DENND4B: variants seen among roughly 807,000 people sequenced by gnomAD.
DENND4B encodes the protein DENN domain-containing protein 4B.
In DENND4B, 67 loss-of-function variants were observed where a neutral mutation model predicts 161.0. That is an observed-to-expected ratio of 0.42 (90% CI 0.34 to 0.51). DENND4B has a LOEUF of 0.51. Ranked by LOEUF, DENND4B falls within the 20% of genes least tolerant of loss-of-function variation. The pLI, the probability that DENND4B is intolerant of heterozygous loss-of-function variation, is 0.08. For missense variants in DENND4B, 1,481 were observed against 1,968.0 expected, an observed-to-expected ratio of 0.75 and a Z score of 4.68; for synonymous variants, 753 against 813.8, an observed-to-expected ratio of 0.93 and a Z score of 1.27.
Position 153,930,787 on chromosome 1 carries a change from T to G in DENND4B, c.4185A>C (p.Ser1395=). 1 of 1,608,556 alleles carries G rather than the reference T, an allele frequency of 6.2e-7. No individual in the cohort carries two copies. Among genetic ancestry groups the G allele is most frequent in the Admixed American group, 1.7e-5 (1 of 59,100 alleles). Residue 1395 remains serine (S), a synonymous_variant, in exon 26 of 28, where the codon TCA becomes TCC. Transcript: ENST00000361217. This position sits in a 1 kb window ranked among gnomAD's most constrained non-coding sequence, Gnocchi z 4.7. The stretch of plus-strand genomic sequence containing the variant: ...CATTGAGTCCAACATGGCGCAGCAC[T>G]GACTCCAACAGTGCCAAACTAAGGG... ...PASLSLALLE[S]VLRHVGLNEV...
rs1341843304 is a variant in DENND4B, at chr1:153,936,626, C to T, written c.2355G>A (p.Ser785=). ...WFLCLPAYVR[S]APSRVQALHT... ...GCAGTGCCTGCACTCGGGAGGGTGC[C>T]GACCGCACATAGGCAGGCAGACACA... is the stretch of plus-strand genomic sequence containing the variant. Residue 785 remains serine, a synonymous_variant, in exon 16 of 28, where the codon TCG becomes TCA. Transcript: ENST00000361217. This position sits in a 1 kb window ranked among gnomAD's most constrained non-coding sequence, Gnocchi z 4.1. The T allele has an allele frequency of 6.8e-6, 11 of 1,613,350 alleles. No individual in the cohort carries two copies. The highest frequency in any genetic ancestry group is 3.3e-5 in the Admixed American group (2 of 59,934).
chr1:153,941,251 T>A lies in DENND4B; in HGVS notation c.1161A>T (p.Val387=), dbSNP rs377655507. The A allele has an allele frequency of 6.2e-7, 1 of 1,613,822 alleles. No homozygotes were observed. Among genetic ancestry groups the A allele is most frequent in the African/African-American group, 1.3e-5 (1 of 74,988 alleles). The stretch of plus-strand genomic sequence containing the variant: ...CATACCTGAGGGGCAGGGGTGAGGA[T>A]ACAGGCTGACAGAGGAGCAAGTTGT... ...PYDNLLLCQP[V]SSPLPLSGAS... is the part of the protein sequence containing the mutation. The change falls in exon 8 of 28, where the codon GTA becomes GTT. Residue 387 remains valine (V), a synonymous_variant. Transcript: ENST00000361217.
chr1:153,940,482 T>C lies in DENND4B; in HGVS notation c.1451A>G (p.Asp484Gly). The change falls in exon 10 of 28, where the codon GAC becomes GGC. Residue 484 changes from aspartate (D) to glycine (G), a missense_variant. Around this residue, in one of 3 missense-constraint regions of DENND4B, gnomAD observed 806 missense variants for 1,134.4 expected, o/e 0.71. Transcript: ENST00000361217. This position sits in a 1 kb window ranked among gnomAD's most constrained non-coding sequence, Gnocchi z 5.6. ...GIHSSYFDLH[D>G]PPADVICVDL... ...TACACAGATGACATCAGCAGGCGGG[T>C]CATGCAGATCAAAGTAGCTGGAGTG... The C allele has an allele frequency of 6.2e-7, 1 of 1,612,814 alleles. No individual in the cohort carries two copies. The highest frequency in any genetic ancestry group is 8.5e-7 in the Non-Finnish European group (1 of 1,179,418).
Position 153,941,412 on chromosome 1 carries a change from G to GAAGGT in DENND4B, c.1083_1084insACCTT (p.Pro362ThrfsTer13). 1 of 1,613,222 alleles carries GAAGGT rather than the reference G, an allele frequency of 6.2e-7. No individual in the cohort carries two copies. Among genetic ancestry groups the GAAGGT allele is most frequent in the Non-Finnish European group, 8.5e-7 (1 of 1,179,716 alleles). ...CGGGGTCTCTGTGGGGAAGGGAAGG[G>GAAGGT]AACGTTGTGAATGAAGTGGGAGATG... On this transcript the variant is annotated frameshift_variant, in exon 7 of 28. Transcript: ENST00000361217. LOFTEE classifies it high-confidence loss of function.
intron 12 of DENND4B, 49 bp downstream of exon 12, chr1:153,939,540 G>A (rs757595716): frequency 5.2e-6 from 8 of 1,547,754 alleles, no homozygotes; most frequent in African/African-American, 1.4e-5. Flanking sequence ...CCAGCCCCTC[G>A]CCACCTCCTC....
At chr1:153,946,785 T>G (rs576166491), upstream of DENND4B, 31 of 360,500 alleles carry the variant, frequency 8.6e-5, no homozygotes, top group Non-Finnish European at 1.4e-4. The surrounding 1 kb of genome is among the most constrained non-coding windows in gnomAD (Gnocchi z 6.3). Context: ...CCCAGGTAGC[T>G]TCCCACCATC....
Position 153,940,790 on chromosome 1 carries a change from A to G in DENND4B, c.1326+114T>C. On this transcript the variant is annotated intron_variant, in intron 9 of 27. Transcript: ENST00000361217. This position sits in a 1 kb window ranked among gnomAD's most constrained non-coding sequence, Gnocchi z 5.6. ...GTGTTCCTGCAGGCTGTGCCCAGGGAAAGGGGCTGAGGATCCTCCACAAGG... is the reference window on the plus strand; with the variant it reads ...GTGTTCCTGCAGGCTGTGCCCAGGGGAAGGGGCTGAGGATCCTCCACAAGG... 1 of 1,464,456 alleles carries G rather than the reference A, an allele frequency of 6.8e-7. No homozygotes were observed. Among genetic ancestry groups the G allele is most frequent in the Non-Finnish European group, 9.0e-7 (1 of 1,105,472 alleles). 90.7% of individuals were successfully genotyped at this position (1,464,456 alleles called of 1,614,324 possible).
intron 1 of DENND4B, chr1:153,945,237 G>C: frequency 8.4e-7 from 1 of 1,195,320 alleles, no homozygotes; most frequent in South Asian, 1.3e-5. Flanking sequence ...TCGCAGCAGG[G>C]GCCCAGAAGC....
chr1:153,944,475 C>T lies in DENND4B; in HGVS notation c.-23-78G>A, dbSNP rs1679860415. The T allele has an allele frequency of 2.9e-6, 4 of 1,370,796 alleles. No homozygotes were observed. In the Admixed American group the frequency reaches 1.1e-4, roughly 37 times the overall value. 84.9% of individuals were successfully genotyped at this position (1,370,796 alleles called of 1,614,324 possible). A position where few individuals can be genotyped will look rare whatever the true frequency, so the allele number is the denominator to read the frequency against. On this transcript the variant is annotated intron_variant, in intron 1 of 27. Transcript: ENST00000361217. This position sits in a 1 kb window ranked among gnomAD's most constrained non-coding sequence, Gnocchi z 4.8. ...GGCAACCAGGGTACCCTCTTGCTCC[C>T]CTCCTCTTCCTAGTCCTTCCAAAGA...
Position 153,937,528 on chromosome 1 carries a change from C to T in DENND4B, c.2192G>A (p.Arg731His), listed in dbSNP as rs372979692. 5.6e-6 allele frequency: 9 copies of T among 1,600,846 alleles called. No homozygotes were observed. Among genetic ancestry groups the T allele is most frequent in the African/African-American group, 4.0e-5 (3 of 74,634 alleles). ...PGALPVPGPS[R>H]SAPSSPAPRR... is the part of the protein sequence containing the mutation. The stretch of plus-strand genomic sequence containing the variant: ...AGGAGCAGGACTGCTGGGGGCGCTA[C>T]GGGAAGGGCCTGGCACAGGCAGGGC... Residue 731 changes from arginine to histidine, a missense_variant, in exon 15 of 28, where the codon CGT becomes CAT. By Grantham distance (29) the Arg-to-His change is conservative. Transcript: ENST00000361217. The surrounding 1 kb of genome is among the most constrained non-coding windows in gnomAD (Gnocchi z 4.7).
At position 153,930,840 on chromosome 1, in the gene DENND4B, C is replaced by A; in HGVS notation, c.4132G>T (p.Val1378Leu). The change falls in exon 26 of 28, where the codon GTG becomes TTG. Residue 1378 changes from valine to leucine, a missense_variant. Transcript: ENST00000361217. The surrounding 1 kb of genome is among the most constrained non-coding windows in gnomAD (Gnocchi z 4.7). The part of the protein sequence containing the change: ...WRVHSQIPQR[V>L]VWPGPVPASL... Reference sequence around the variant, plus strand: ...GCAGGTACAGGGCCTGGCCATACCACCCGCTGGGGGATCTGGCCTGGATGA... The same window carrying A: ...GCAGGTACAGGGCCTGGCCATACCAACCGCTGGGGGATCTGGCCTGGATGA... The A allele has an allele frequency of 6.3e-7, 1 of 1,599,624 alleles. No homozygotes were observed. Among genetic ancestry groups the A allele is most frequent in the East Asian group, 2.3e-5 (1 of 44,414 alleles).
At position 153,942,279 on chromosome 1, in the gene DENND4B, TG is replaced by T. The variant is rs1679716288; in HGVS notation, c.717del (p.Met240TrpfsTer59). 6.2e-7 allele frequency: 1 copy of T among 1,613,682 alleles called. No individual in the cohort carries two copies. The highest frequency in any genetic ancestry group is 8.5e-7 in the Non-Finnish European group (1 of 1,179,810). ...GGCCAGCACTCGATAGTGGCCCCCA[TG>T]GGCAGGCAGAAGACGGGCACTGACT... Reference protein sequence around the residue: ...LPESVPVFCLPMGATIECWPA... With the variant: ...LPESVPVFCLXMGATIECWPA... On this transcript the variant is annotated frameshift_variant, in exon 5 of 28. Transcript: ENST00000361217. LOFTEE classifies it high-confidence loss of function. This position sits in a 1 kb window ranked among gnomAD's most constrained non-coding sequence, Gnocchi z 6.9.
At position 153,946,372 on chromosome 1, in the gene DENND4B, G is replaced by A. The variant is rs1571064517; in HGVS notation, c.-95C>T. The A allele has an allele frequency of 1.1e-5, 4 of 379,466 alleles. No homozygotes were observed. In the East Asian group the frequency reaches 1.1e-4, roughly 11 times the overall value. The allele number at this position is 379,466 out of a possible 1,614,324, so 23.5% of individuals were successfully genotyped here. ...AGGGCGAGCTGGCGGGCCGGCGGGC[G>A]GCGGGGCTACCCGGCCCCAGACATG... is the stretch of plus-strand genomic sequence containing the variant. On this transcript the variant is annotated 5_prime_UTR_variant, in exon 1 of 28. Coordinates refer to ENST00000361217, the MANE Select transcript of DENND4B (RefSeq NM_014856.3). This position sits in a 1 kb window ranked among gnomAD's most constrained non-coding sequence, Gnocchi z 6.3.
At position 153,932,431 on chromosome 1, in the gene DENND4B, G is replaced by A. The variant is rs754986768; in HGVS notation, c.3769C>T (p.Arg1257Trp). The change falls in exon 24 of 28, where the codon CGG becomes TGG. Residue 1257 changes from arginine to tryptophan, a missense_variant. Transcript: ENST00000361217. The surrounding 1 kb of genome is among the most constrained non-coding windows in gnomAD (Gnocchi z 5.8). ...GCCCATGCCCCACTCTCAACCCGCC[G>A]GGAGGCTCCCTATCAGGCACAAAGG... ...LCNGHMGGAS[R>W]RVESGAWAYL... is the part of the protein sequence containing the mutation. 21 of 1,608,152 alleles carry A rather than the reference G, an allele frequency of 1.3e-5. No homozygotes were observed. Among genetic ancestry groups the A allele is most frequent in the Admixed American group, 5.1e-5 (3 of 58,976 alleles).
chr1:153,934,645 T>C lies in DENND4B; in HGVS notation c.2773+115A>G. 2 of 1,474,076 alleles carry C rather than the reference T, an allele frequency of 1.4e-6. No individual in the cohort carries two copies. The highest frequency in any genetic ancestry group is 1.8e-6 in the Non-Finnish European group (2 of 1,108,108). The allele number at this position is 1,474,076 out of a possible 1,614,324, so 91.3% of individuals were successfully genotyped here. On this transcript the variant is annotated intron_variant, in intron 18 of 27. Transcript: ENST00000361217. This position sits in a 1 kb window ranked among gnomAD's most constrained non-coding sequence, Gnocchi z 5.3. ...CTTTTGTTACCAGTCAAGTGTAATTTATCAATCCCCAGAAACCCAATGCCA... is the reference window on the plus strand; with the variant it reads ...CTTTTGTTACCAGTCAAGTGTAATTCATCAATCCCCAGAAACCCAATGCCA...
Position 153,932,787 on chromosome 1 carries a change from G to A in DENND4B, c.3624-10C>T. The A allele has an allele frequency of 1.9e-6, 3 of 1,613,834 alleles. No individual in the cohort carries two copies. The highest frequency in any genetic ancestry group is 2.5e-6 in the Non-Finnish European group (3 of 1,179,764). On this transcript the variant is annotated splice_polypyrimidine_tract_variant and intron_variant, in intron 22 of 27. Transcript: ENST00000361217. This position sits in a 1 kb window ranked among gnomAD's most constrained non-coding sequence, Gnocchi z 5.8. ...TTTGGGGCTGGGGACACTGCAGGGG[G>A]ATAGCAGCAGGGGTCAGCTTTTGGA...
At position 153,941,456 on chromosome 1, in the gene DENND4B, A is replaced by T. The variant is rs748988588; in HGVS notation, c.1056-16T>A. 2.0e-5 allele frequency: 32 copies of T among 1,608,410 alleles called. No individual in the cohort carries two copies. Among genetic ancestry groups the T allele is most frequent in the Non-Finnish European group, 1.4e-5 (17 of 1,178,156 alleles). The stretch of plus-strand genomic sequence containing the variant: ...GGAGATGTGCCTGGGGGACAGAGAA[A>T]CAGGTCAGAGCATACTCCCCCGTCC... On this transcript the variant is annotated splice_polypyrimidine_tract_variant and intron_variant, in intron 6 of 27. Coordinates refer to ENST00000361217, the MANE Select transcript of DENND4B (RefSeq NM_014856.3).
chr1:153,933,740 GGGC>G lies in DENND4B; in HGVS notation c.3070_3072del (p.Ala1024del). 6.3e-7 allele frequency: 1 copy of G among 1,598,704 alleles called. No homozygotes were observed. On this transcript the variant is annotated inframe_deletion, in exon 20 of 28. Transcript: ENST00000361217. The surrounding 1 kb of genome is among the most constrained non-coding windows in gnomAD (Gnocchi z 5.7). ...AGGGCCTCAGTGGACTGGGCACTCAGGGCTGAGCCTGAGCCCCCTGGGCTGCCT... is the reference window on the plus strand; with the variant it reads ...AGGGCCTCAGTGGACTGGGCACTCAGTGAGCCTGAGCCCCCTGGGCTGCCT...
In DENND4B at chr1:153,934,684, C is replaced by A. The variant is rs932951401; in HGVS notation, c.2773+76G>T. On this transcript the variant is annotated intron_variant, in intron 18 of 27. Coordinates refer to ENST00000361217, the MANE Select transcript of DENND4B (RefSeq NM_014856.3). The surrounding 1 kb of genome is among the most constrained non-coding windows in gnomAD (Gnocchi z 5.3). ...AACCCAATGCCAACCATTAGACCAG[C>A]CCCAACTCTCTATGCCTTTCCCTGC... The A allele has an allele frequency of 6.2e-5, 95 of 1,536,064 alleles. No homozygotes were observed. The highest frequency in any genetic ancestry group is 7.9e-5 in the Non-Finnish European group (90 of 1,141,952).
Sources: gnomAD v4.1 joint callset for allele counts on GRCh38, gnomAD v4.1.1 for gene constraint, gnomAD v4.1.1 regional missense constraint, Gnocchi (gnomAD v3.1) non-coding constraint, MANE v1.5 for transcripts, NCBI Gene and HGNC (gene_info 2026-07-23, HGNC 2026-07-21) for gene names.